TMEM178A: variants seen among roughly 807,000 people sequenced by gnomAD.
TMEM178A encodes transmembrane protein 178A, also known as transmembrane protein 178.
In TMEM178A, 12 loss-of-function variants were observed where a neutral mutation model predicts 29.1. The ratio of observed to expected loss-of-function variants is 0.41; its 90% CI spans 0.26 to 0.67. The LOEUF (loss-of-function observed/expected upper bound fraction) is 0.67. Among genes scored for constraint, TMEM178A ranks in the 30% least tolerant of loss-of-function variants. TMEM178A has a pLI of 0.29. For missense variants in TMEM178A, 366 were observed against 419.1 expected, an observed-to-expected ratio of 0.87 and a Z score of 1.11; for synonymous variants, 210 against 187.2, an observed-to-expected ratio of 1.12 and a Z score of -0.99.
intron 1 of TMEM178A, among the ~76,000 whole-genome samples, chr2:39,680,628 T>C (rs933008419): frequency 4.6e-5 from 7 of 152,318 alleles, no homozygotes; most frequent in African/African-American, 1.2e-4. Flanking sequence ...GAGTTCATAG[T>C]AGAGAATGCA....
rs1383968962 is a variant in TMEM178A, at chr2:39,691,414, T to C, written c.401-12667T>C. On this transcript the variant is annotated intron_variant, in intron 1 of 3. Transcript: ENST00000281961. ...ATATATTCAAAGTGCTGAAAGAAAT[T>C]AAAAAACACCTGGCAACTAAGAATA... is the stretch of plus-strand genomic sequence containing the variant. 2.6e-5 allele frequency among the ~76,000 whole-genome samples: 4 copies of C among 152,190 alleles called. No individual in the cohort carries two copies. In the East Asian group the frequency reaches 7.7e-4, roughly 29 times the overall value.
chr2:39,692,945 G>T (rs895095298), intron 1 of TMEM178A, among the ~76,000 whole-genome samples: 1 of 152,064 alleles, frequency 6.6e-6, no homozygotes, highest in Non-Finnish European at 1.5e-5. Context: ...AAGCACGCAG[G>T]CTTAATTAAC....
At chr2:39,720,656 C>A (rs186333041), downstream of TMEM178A, among the ~76,000 whole-genome samples, 1 of 152,212 alleles carries the variant, frequency 6.6e-6, no homozygotes, top group African/African-American at 2.4e-5. Flanking sequence ...TGCCTTGTCC[C>A]GGTGCTCAGC....
chr2:39,714,814 G>T (rs1672465251), intron 3 of TMEM178A, among the ~76,000 whole-genome samples: 2 of 152,176 alleles, frequency 1.3e-5, no homozygotes, highest in Admixed American at 6.5e-5. Context: ...AATGTTAAGT[G>T]TAAAATCAGA....
intron 1 of TMEM178A, among the ~76,000 whole-genome samples, chr2:39,694,873 C>G (rs1367996385): frequency 6.6e-6 from 1 of 152,140 alleles, no homozygotes; most frequent in Non-Finnish European, 1.5e-5. Context: ...TAATTAGTAT[C>G]TTTCTCCTTT....
chr2:39,718,903 G>A (rs969288217), downstream of TMEM178A, among the ~76,000 whole-genome samples: 7 of 152,178 alleles, frequency 4.6e-5, no homozygotes, highest in African/African-American at 1.7e-4. Flanking sequence ...TTCAGATTTT[G>A]ATTTCATAAA....
chr2:39,670,714 A>G (rs1045881865), intron 1 of TMEM178A, among the ~76,000 whole-genome samples: 11 of 152,250 alleles, frequency 7.2e-5, no homozygotes, highest in Non-Finnish European at 1.3e-4. Flanking sequence ...ACTGACTTTA[A>G]TAAATAAACA....
intron 1 of TMEM178A, among the ~76,000 whole-genome samples, chr2:39,671,146 G>T (rs907237409): frequency 6.6e-6 from 1 of 152,124 alleles, no homozygotes; most frequent in African/African-American, 2.4e-5. Flanking sequence ...AAAGACAGTG[G>T]GTCATAAATA....
At chr2:39,686,789 G>T (rs1009631051) in intron 1 of TMEM178A, among the ~76,000 whole-genome samples, 6 of 152,170 alleles carry the variant, frequency 3.9e-5, no homozygotes, top group African/African-American at 1.4e-4. Flanking sequence ...TCTTAGCAGT[G>T]AATTCCCAAA....
At chr2:39,707,904 G>A (rs1170110300) in intron 3 of TMEM178A, among the ~76,000 whole-genome samples, 1 of 152,174 alleles carries the variant, frequency 6.6e-6, no homozygotes, top group Non-Finnish European at 1.5e-5. Context: ...TCAATTCAAA[G>A]CATGCTTTAG....
the TMEM178A span, among the ~76,000 whole-genome samples, chr2:39,728,758 T>C: frequency 6.6e-6 from 1 of 152,020 alleles, no homozygotes; most frequent in Non-Finnish European, 1.5e-5. Flanking sequence ...TGCATTTTGG[T>C]CACAGAGTCC....
At chr2:39,665,668 G>A (rs1358349114), upstream of TMEM178A, 6 of 298,632 alleles carry the variant, frequency 2.0e-5, no homozygotes, top group Non-Finnish European at 3.6e-5. Context: ...AGGAGTGCGC[G>A]GGGTGGGGGG....
At chr2:39,698,827 T>C (rs1394854945) in intron 1 of TMEM178A, among the ~76,000 whole-genome samples, 2 of 152,174 alleles carry the variant, frequency 1.3e-5, no homozygotes, top group Non-Finnish European at 2.9e-5. Context: ...AGTTAATTAC[T>C]AAGTCAATTT....
chr2:39,730,075 CAA>C, the TMEM178A span, among the ~76,000 whole-genome samples: 1 of 152,160 alleles, frequency 6.6e-6, no homozygotes, highest in Non-Finnish European at 1.5e-5. Context: ...TTACTAGGAA[CAA>C]ACACTCCAGC....
intron 1 of TMEM178A, among the ~76,000 whole-genome samples, chr2:39,682,383 T>G (rs1670904167): frequency 7.2e-6 from 1 of 139,632 alleles, no homozygotes; most frequent in African/African-American, 2.8e-5. Context: ...TTTACTATGT[T>G]TTTTTTTTTT....
chr2:39,721,822 C>T (rs937306931), downstream of TMEM178A, among the ~76,000 whole-genome samples: 23 of 151,608 alleles, frequency 1.5e-4, no homozygotes, highest in African/African-American at 5.1e-4. Context: ...GAGCCTGTCT[C>T]TATAAAAACA....
chr2:39,668,249 A>G (rs1236602300), intron 1 of TMEM178A, among the ~76,000 whole-genome samples: 2 of 152,358 alleles, frequency 1.3e-5, no homozygotes, highest in Admixed American at 6.5e-5. Flanking sequence ...CCCTTCTACA[A>G]TCTTTCTGAC....
At chr2:39,671,712 C>CAT (rs933551920) in intron 1 of TMEM178A, among the ~76,000 whole-genome samples, 3 of 152,088 alleles carry the variant, frequency 2.0e-5, no homozygotes, top group Admixed American at 6.5e-5. Context: ...TGTGGTAATA[C>CAT]ATATATATAA....
At chr2:39,729,347 T>G in the TMEM178A span, among the ~76,000 whole-genome samples, 3 of 152,200 alleles carry the variant, frequency 2.0e-5, no homozygotes, top group African/African-American at 7.2e-5. Context: ...TTCCTCCGCA[T>G]AGCTCACATC....
Sources: gnomAD v4.1 joint callset for allele counts (sites outside exome capture counted in the v4.1 genomes callset) on GRCh38, gnomAD v4.1.1 for gene constraint, MANE v1.5 for transcripts, NCBI Gene and HGNC (gene_info 2026-07-23, HGNC 2026-07-21) for gene names.